Variants in CCDC7 observed in about 807,000 individuals in gnomAD.
The protein encoded by CCDC7 is coiled-coil domain containing 7, also known as coiled-coil domain-containing protein 7.
CCDC7 carries 183 observed loss-of-function variants against 196.9 expected under a neutral mutation model. The observed-to-expected ratio is 0.93, with a 90% CI of 0.82 to 1.05. The LOEUF (loss-of-function observed/expected upper bound fraction) is 1.05, where lower values mean the gene tolerates loss of function less well. Ranked by LOEUF, CCDC7 falls within the 50% of genes least tolerant of loss-of-function variation. The pLI is 0.00. For synonymous variants in CCDC7, 525 were observed against 484.6 expected, an observed-to-expected ratio of 1.08 and a Z score of -1.10; for missense variants, 1,540 against 1,482.2, an observed-to-expected ratio of 1.04 and a Z score of -0.64.
At chr10:32,488,530 C>T (rs147059570) in intron 8 of CCDC7, among the ~76,000 whole-genome samples, 1,646 of 152,236 alleles carry the variant, frequency 0.011, 26 homozygotes, top group African/African-American at 0.036. Flanking sequence ...GAGATGAACC[C>T]GGTACCTCAG....
At chr10:32,648,344 G>GT (rs1171019513) in intron 20 of CCDC7, among the ~76,000 whole-genome samples, 2 of 152,122 alleles carry the variant, frequency 1.3e-5, no homozygotes, top group African/African-American at 2.4e-5. Flanking sequence ...TTTTAGAATA[G>GT]TTTTTCCTAA....
chr10:32,531,446 GT>G (rs1355788800), intron 11 of CCDC7, among the ~76,000 whole-genome samples: 4 of 152,134 alleles, frequency 2.6e-5, no homozygotes, highest in African/African-American at 9.7e-5. Flanking sequence ...TAAAGGTGTT[GT>G]TGAATGTGGT....
chr10:32,458,979 A>G (rs1193417155), intron 3 of CCDC7, among the ~76,000 whole-genome samples: 2 of 151,976 alleles, frequency 1.3e-5, no homozygotes, highest in African/African-American at 4.8e-5. Context: ...TCAGTATTTT[A>G]TAATTTTCAT....
chr10:32,665,132 A>G (rs974459970), intron 21 of CCDC7, among the ~76,000 whole-genome samples: 8 of 151,994 alleles, frequency 5.3e-5, no homozygotes, highest in African/African-American at 1.9e-4. Flanking sequence ...GTCTATTCAG[A>G]TCCCATACTC....
chr10:32,551,795 T>A (rs1246694307), intron 13 of CCDC7, among the ~76,000 whole-genome samples: 1 of 152,174 alleles, frequency 6.6e-6, no homozygotes, highest in African/African-American at 2.4e-5. Flanking sequence ...TTAAATTTAT[T>A]GAGGCTCATT....
chr10:32,838,907 TAC>T (rs779615340), intron 33 of CCDC7, among the ~76,000 whole-genome samples: 1 of 152,014 alleles, frequency 6.6e-6, no homozygotes, highest in African/African-American at 2.4e-5. Flanking sequence ...GAAGGAAAGA[TAC>T]AGTCTTTTCC....
intron 20 of CCDC7, among the ~76,000 whole-genome samples, chr10:32,645,468 C>T (rs1205662781): frequency 7.1e-6 from 1 of 140,042 alleles, no homozygotes; most frequent in African/African-American, 2.6e-5. Context: ...ATCAGTGATA[C>T]TGACCTGTAG....
At position 32,628,583 on chromosome 10, in the gene CCDC7, A is replaced by G. The variant is rs150466114; in HGVS notation, c.1802-5671A>G. ...TTCTTCTTTTTCTAGTTCCCTGACG[A>G]ATAATGTTAAATTTTTGAGATCTTT... On this transcript the variant is annotated intron_variant, in intron 18 of 41. Transcript: ENST00000639629. 3.6e-4 allele frequency among the ~76,000 whole-genome samples: 54 copies of G among 152,036 alleles called. No individual in the cohort carries two copies. In the East Asian group the frequency reaches 0.01, roughly 28 times the overall value.
chr10:32,496,328 A>C (rs2042911802), intron 9 of CCDC7, among the ~76,000 whole-genome samples: 1 of 152,212 alleles, frequency 6.6e-6, no homozygotes, highest in South Asian at 2.1e-4. Context: ...TGTCATCTGC[A>C]AAGAGAGACA....
chr10:32,800,118 A>G (rs2134990463), intron 29 of CCDC7, among the ~76,000 whole-genome samples: 1 of 152,354 alleles, frequency 6.6e-6, no homozygotes. Flanking sequence ...ATCCACTATC[A>G]TTCTCCAAGA....
At chr10:32,839,970 C>T (rs1226529983) in intron 33 of CCDC7, among the ~76,000 whole-genome samples, 2 of 152,004 alleles carry the variant, frequency 1.3e-5, no homozygotes, top group Non-Finnish European at 2.9e-5. Context: ...AATAGTGACA[C>T]AACCTATCAA....
intron 28 of CCDC7, among the ~76,000 whole-genome samples, chr10:32,750,412 G>A (rs1336259971): frequency 6.6e-6 from 1 of 152,092 alleles, no homozygotes; most frequent in Non-Finnish European, 1.5e-5. Context: ...CAGAAAAAGT[G>A]GGATAATGTT....
intron 9 of CCDC7, chr10:32,499,104 C>A (rs1404691044): frequency 7.8e-6 from 1 of 128,114 alleles, no homozygotes; most frequent in Non-Finnish European, 1.7e-5. Flanking sequence ...TTTTTTTTTC[C>A]AGGAGGAAAA....
chr10:32,637,378 A>C (rs376559787), intron 20 of CCDC7, among the ~76,000 whole-genome samples: 6 of 152,142 alleles, frequency 3.9e-5, no homozygotes, highest in Admixed American at 1.3e-4. Context: ...ATGTTTAAGT[A>C]TTTAATCCAT....
intron 8 of CCDC7, among the ~76,000 whole-genome samples, chr10:32,487,499 T>G (rs2041356216): frequency 6.6e-6 from 1 of 152,246 alleles, no homozygotes; most frequent in Non-Finnish European, 1.5e-5. Context: ...GAAGTCATTC[T>G]CCGTCCAGCT....
intron 21 of CCDC7, among the ~76,000 whole-genome samples, chr10:32,679,710 C>T (rs1355628803): frequency 1.3e-5 from 2 of 152,106 alleles, no homozygotes; most frequent in African/African-American, 2.4e-5. Flanking sequence ...ACAGAGCATC[C>T]AGTCCTATTT....
At chr10:32,618,921 G>T (rs1385215771) in intron 18 of CCDC7, among the ~76,000 whole-genome samples, 5 of 151,980 alleles carry the variant, frequency 3.3e-5, no homozygotes, top group African/African-American at 1.2e-4. Context: ...ACATCTCAAA[G>T]CTTTGTTCAT....
intron 29 of CCDC7, among the ~76,000 whole-genome samples, chr10:32,783,024 A>G (rs937458626): frequency 2.0e-5 from 3 of 152,234 alleles, no homozygotes; most frequent in Non-Finnish European, 4.4e-5. Flanking sequence ...AAAATGGACC[A>G]AATACCTACA....
Position 32,522,785 on chromosome 10 carries a change from G to A in CCDC7, c.993+4280G>A, listed in dbSNP as rs1014371213. Among the ~76,000 whole-genome samples, 40 of 151,870 alleles carry A rather than the reference G, an allele frequency of 2.6e-4. 1 individual carries two copies. The highest frequency in any genetic ancestry group is 1.3e-4 in the Admixed American group (2 of 15,234). On this transcript the variant is annotated intron_variant, in intron 11 of 41. Coordinates refer to ENST00000639629, the Ensembl canonical transcript of CCDC7. Reference sequence around the variant, plus strand: ...TGTGAAATTTTTCTTCTTTTTTGATGCAGGCACTTGTAGCTATGAAGTTTC... The same window carrying A: ...TGTGAAATTTTTCTTCTTTTTTGATACAGGCACTTGTAGCTATGAAGTTTC...
Sources: allele counts gnomAD v4.1 joint callset (sites outside exome capture counted in the v4.1 genomes callset), GRCh38; gene constraint gnomAD v4.1.1; transcripts MANE v1.5; gene names NCBI Gene and HGNC (gene_info 2026-07-23, HGNC 2026-07-21).